Variants in PSD3 observed in about 807,000 individuals in gnomAD.
PSD3 encodes PH and SEC7 domain-containing protein 3.
PSD3 carries 49 observed loss-of-function variants against 105.5 expected under a neutral mutation model. The observed-to-expected ratio is 0.46, with a 90% CI of 0.37 to 0.59. PSD3 has a LOEUF of 0.59. Among genes scored for constraint, PSD3 ranks in the 20% least tolerant of loss-of-function variants. The pLI is 0.00. For missense variants in PSD3, 1,561 were observed against 1,263.8 expected, an observed-to-expected ratio of 1.24 and a Z score of -3.57; for synonymous variants, 557 against 457.8, an observed-to-expected ratio of 1.22 and a Z score of -2.77.
chr8:18,979,249 T>A (rs112165082), intron 1 of PSD3, among the ~76,000 whole-genome samples: 45 of 152,184 alleles, frequency 3.0e-4, no homozygotes, highest in African/African-American at 1.0e-3. Context: ...AAGAAGTATA[T>A]CCAACTAGAC....
At chr8:18,549,865 T>C (rs903803618) in intron 15 of PSD3, among the ~76,000 whole-genome samples, 4 of 152,216 alleles carry the variant, frequency 2.6e-5, no homozygotes, top group Non-Finnish European at 5.9e-5. Context: ...AAATTGCTGT[T>C]AATGTGTCAT....
At chr8:18,695,419 G>A (rs899364414) in intron 9 of PSD3, among the ~76,000 whole-genome samples, 2 of 152,188 alleles carry the variant, frequency 1.3e-5, no homozygotes, top group African/African-American at 4.8e-5. Flanking sequence ...ATCAAATACT[G>A]TAGAAACAAA....
At chr8:18,961,613 C>T (rs935824683) in intron 1 of PSD3, among the ~76,000 whole-genome samples, 10 of 152,010 alleles carry the variant, frequency 6.6e-5, no homozygotes, top group African/African-American at 2.4e-4. Context: ...ATTGCTTCAA[C>T]CCAGGAGGCG....
At chr8:18,731,225 T>C (rs901731) in intron 9 of PSD3, among the ~76,000 whole-genome samples, 143,339 of 152,258 alleles carry the variant, frequency 0.94, 67,569 homozygotes, top group Middle Eastern at 0.96. Flanking sequence ...CACTGCACTC[T>C]TGCCTGGGTG....
intron 9 of PSD3, among the ~76,000 whole-genome samples, chr8:18,689,809 T>G (rs1027955710): frequency 4.6e-5 from 7 of 152,158 alleles, no homozygotes; most frequent in African/African-American, 1.7e-4. Context: ...GATTAATTGT[T>G]TCCTAGACTA....
chr8:18,899,141 T>C (rs563669857), intron 2 of PSD3, among the ~76,000 whole-genome samples: 48 of 152,282 alleles, frequency 3.2e-4, no homozygotes, highest in Non-Finnish European at 5.9e-4. Flanking sequence ...TCCACGTCTT[T>C]TTCCTCATCA....
intron 13 of PSD3, among the ~76,000 whole-genome samples, chr8:18,573,050 G>C (rs1440465911): frequency 6.6e-6 from 1 of 152,182 alleles, no homozygotes; most frequent in African/African-American, 2.4e-5. Flanking sequence ...GGAATGCATT[G>C]GTAGAGGGAA....
rs542261724 is a variant in PSD3, at chr8:18,831,522, G to C, written c.1635-26624C>G. On this transcript the variant is annotated intron_variant, in intron 4 of 15. Coordinates refer to ENST00000327040, the MANE Select transcript of PSD3 (RefSeq NM_015310.4). ...AGATCACCCGAGGTCCGGAGTTTGA[G>C]AGCAGCCTGGCCAACATGGTGAAAC... is the stretch of plus-strand genomic sequence containing the variant. Among the ~76,000 whole-genome samples, 3 of 152,262 alleles carry C rather than the reference G, an allele frequency of 2.0e-5. No homozygotes were observed. The South Asian group carries it at 6.2e-4, about 32-fold the overall frequency.
chr8:18,673,899 T>A (rs1799927581), intron 9 of PSD3, among the ~76,000 whole-genome samples: 1 of 152,080 alleles, frequency 6.6e-6, no homozygotes, highest in African/African-American at 2.4e-5. Context: ...CCCAACGATT[T>A]GGGAGGCCAA....
rs553958354 is a variant in PSD3, at chr8:18,626,812, G to A, written c.2410+5801C>T. On this transcript the variant is annotated intron_variant, in intron 11 of 15. Transcript: ENST00000327040. ...AAAATCCAACAAATGAGGTTGGTGG[G>A]GGAGACAGGATTAGACGGGAAGGAA... Among the ~76,000 whole-genome samples the A allele has an allele frequency of 3.1e-4, 47 of 152,186 alleles. No individual in the cohort carries two copies. In the South Asian group the frequency reaches 6.2e-3, roughly 20 times the overall value.
Position 19,043,783 on chromosome 8 carries a change from C to T in PSD3, c.324+40423G>A, listed in dbSNP as rs13278770. Reference sequence around the variant, plus strand: ...ACAGCAAGAAGGCCCTTACCAGATGCCAGTCCTTTGGTCTTGGACTTCCCA... The same window carrying T: ...ACAGCAAGAAGGCCCTTACCAGATGTCAGTCCTTTGGTCTTGGACTTCCCA... On this transcript the variant is annotated intron_variant, in intron 1 of 1. Transcript: ENST00000521475. Among the ~76,000 whole-genome samples the T allele has an allele frequency of 2.5e-3, 388 of 152,298 alleles. 1 individual carries two copies. Among genetic ancestry groups the T allele is most frequent in the Non-Finnish European group, 3.8e-3 (256 of 68,026 alleles).
chr8:18,656,992 A>T (rs4921947), intron 9 of PSD3, among the ~76,000 whole-genome samples: 39,216 of 152,182 alleles, frequency 0.26, 5,298 homozygotes, highest in South Asian at 0.43. Context: ...TATGCATAAC[A>T]ATATTATGAT....
intron 2 of PSD3, among the ~76,000 whole-genome samples, chr8:18,885,953 A>G (rs1818425233): frequency 6.6e-6 from 1 of 152,140 alleles, no homozygotes. Context: ...GCTACCTTTG[A>G]GCTAACCTTG....
At chr8:18,912,311 T>C (rs1820278197) in intron 2 of PSD3, among the ~76,000 whole-genome samples, 1 of 152,208 alleles carries the variant, frequency 6.6e-6, no homozygotes, top group Non-Finnish European at 1.5e-5. Context: ...GGAAATCTGC[T>C]AGCAGGAATA....
intron 1 of PSD3, among the ~76,000 whole-genome samples, chr8:18,968,592 C>G (rs767460039): frequency 2.6e-5 from 4 of 152,128 alleles, no homozygotes; most frequent in Non-Finnish European, 5.9e-5. Flanking sequence ...ATGTTGTGGC[C>G]TGGGCCAGGT....
intron 2 of PSD3, among the ~76,000 whole-genome samples, chr8:18,932,885 T>C (rs1385282890): frequency 3.9e-5 from 6 of 152,254 alleles, no homozygotes; most frequent in African/African-American, 9.6e-5. Flanking sequence ...TTCAGAATTC[T>C]AGTCATCCTT....
At chr8:18,756,767 G>A (rs10089555) in intron 9 of PSD3, among the ~76,000 whole-genome samples, 684 of 145,866 alleles carry the variant, frequency 4.7e-3, no homozygotes, top group African/African-American at 0.016. Flanking sequence ...AGCCTAAACC[G>A]AAAACCTGAA....
intron 9 of PSD3, among the ~76,000 whole-genome samples, chr8:18,662,979 C>A (rs1344676769): frequency 6.6e-6 from 1 of 152,182 alleles, no homozygotes; most frequent in Non-Finnish European, 1.5e-5. Flanking sequence ...GGGACTCTGA[C>A]TGCTTCTTGT....
intron 14 of PSD3, among the ~76,000 whole-genome samples, chr8:18,567,439 T>C (rs1801859307): frequency 6.6e-6 from 1 of 152,186 alleles, no homozygotes; most frequent in African/African-American, 2.4e-5. Flanking sequence ...GTTGGATAGA[T>C]GGAGATGTCT....
Sources: allele counts gnomAD v4.1 joint callset (sites outside exome capture counted in the v4.1 genomes callset), GRCh38; gene constraint gnomAD v4.1.1; transcripts MANE v1.5; gene names NCBI Gene and HGNC (gene_info 2026-07-23, HGNC 2026-07-21).